Variants in STPG2 observed in about 807,000 individuals in gnomAD.
The protein encoded by STPG2 is sperm-tail PG-rich repeat-containing protein 2.
In STPG2, 56 loss-of-function variants were observed where a neutral mutation model predicts 54.2. The observed-to-expected ratio is 1.03, with a 90% CI of 0.83 to 1.29. The LOEUF (loss-of-function observed/expected upper bound fraction) is 1.29, where lower values mean the gene tolerates loss of function less well. Among genes scored for constraint, STPG2 ranks in the 50% most tolerant of loss-of-function variants. STPG2 has a pLI of 0.00. For missense variants in STPG2, 596 were observed against 544.9 expected, an observed-to-expected ratio of 1.09 and a Z score of -0.93; for synonymous variants, 200 against 181.8, an observed-to-expected ratio of 1.10 and a Z score of -0.81.
chr4:97,961,912 G>T (rs1578735159), intron 7 of STPG2, among the ~76,000 whole-genome samples: 1 of 152,146 alleles, frequency 6.6e-6, no homozygotes, highest in African/African-American at 2.4e-5. Flanking sequence ...GCACACGCAC[G>T]TTTATAGCAG....
intron 10 of STPG2, among the ~76,000 whole-genome samples, chr4:97,649,362 C>A (rs1227435330): frequency 1.3e-5 from 2 of 152,066 alleles, no homozygotes; most frequent in African/African-American, 2.4e-5. Flanking sequence ...CTTTCTGAAA[C>A]ATTTCTTTCT....
intron 10 of STPG2, among the ~76,000 whole-genome samples, chr4:97,709,566 C>A (rs1239874709): frequency 2.6e-5 from 4 of 151,410 alleles, no homozygotes; most frequent in African/African-American, 7.2e-5. Context: ...ATATTTAAAT[C>A]TTTTCTAATA....
chr4:97,695,088 CA>C (rs34399400), intron 10 of STPG2, among the ~76,000 whole-genome samples: 2,033 of 138,436 alleles, frequency 0.015, 38 homozygotes, highest in African/African-American at 0.05. Flanking sequence ...AAAAATCCTC[CA>C]AAAAAAAAAA....
chr4:98,142,050 AC>A (rs1392785084), intron 1 of STPG2, among the ~76,000 whole-genome samples: 1 of 152,086 alleles, frequency 6.6e-6, no homozygotes, highest in Non-Finnish European at 1.5e-5. Context: ...GCAAAGTGTC[AC>A]AGGGGGTCAT....
intron 3 of STPG2, among the ~76,000 whole-genome samples, chr4:98,121,129 T>C (rs1379680079): frequency 1.3e-5 from 2 of 152,230 alleles, no homozygotes; most frequent in Admixed American, 6.5e-5. Flanking sequence ...GCTAGCCAGT[T>C]CTCCCAGCAC....
chr4:97,968,561 A>G (rs777613692), intron 7 of STPG2, among the ~76,000 whole-genome samples: 1 of 152,216 alleles, frequency 6.6e-6, no homozygotes, highest in Non-Finnish European at 1.5e-5. Context: ...AACCAAATCC[A>G]GCAGCATATC....
chr4:97,706,453 G>T (rs1021963497), intron 10 of STPG2, among the ~76,000 whole-genome samples: 4 of 152,144 alleles, frequency 2.6e-5, no homozygotes, highest in Admixed American at 2.6e-4. Context: ...GACACAGCAA[G>T]AAGACAGCTG....
chr4:98,098,756 G>T (rs571820323), intron 5 of STPG2, among the ~76,000 whole-genome samples: 1 of 152,080 alleles, frequency 6.6e-6, no homozygotes, highest in Non-Finnish European at 1.5e-5. Context: ...CATATAAGGA[G>T]CTCAAACAAC....
At chr4:97,613,203 T>C (rs1170796201) in intron 10 of STPG2, among the ~76,000 whole-genome samples, 2 of 152,070 alleles carry the variant, frequency 1.3e-5, no homozygotes, top group African/African-American at 4.8e-5. Flanking sequence ...ACAGTGCAGT[T>C]AGTCAAGTTT....
At chr4:97,538,772 A>G (rs184052138) in intron 4 of STPG2, among the ~76,000 whole-genome samples, 2 of 152,338 alleles carry the variant, frequency 1.3e-5, no homozygotes, top group Admixed American at 1.3e-4. Context: ...GAAGGAAAAA[A>G]TGTTAAGGGC....
intron 10 of STPG2, among the ~76,000 whole-genome samples, chr4:97,711,560 G>T (rs1336021589): frequency 2.0e-5 from 3 of 151,872 alleles, no homozygotes; most frequent in Non-Finnish European, 4.4e-5. Context: ...GGAATCAACA[G>T]CCAACAAGAT....
intron 3 of STPG2, among the ~76,000 whole-genome samples, chr4:98,127,459 A>G (rs1231246254): frequency 6.6e-6 from 1 of 152,238 alleles, no homozygotes; most frequent in Non-Finnish European, 1.5e-5. Context: ...TCACATACCA[A>G]CAAATAACTA....
intron 10 of STPG2, among the ~76,000 whole-genome samples, chr4:97,586,945 T>A (rs1395856931): frequency 6.6e-6 from 1 of 151,906 alleles, no homozygotes; most frequent in Admixed American, 6.6e-5. Flanking sequence ...ATGAGTTTTA[T>A]AAATCACATT....
chr4:97,778,991 G>A (rs1726493700), intron 9 of STPG2, among the ~76,000 whole-genome samples: 1 of 152,162 alleles, frequency 6.6e-6, no homozygotes, highest in African/African-American at 2.4e-5. Flanking sequence ...AAAAAACAGA[G>A]TAGAAAAGCC....
chr4:98,074,698 A>G (rs1738105983), intron 5 of STPG2, among the ~76,000 whole-genome samples: 1 of 152,230 alleles, frequency 6.6e-6, no homozygotes. Context: ...GAAATGACAA[A>G]GAGGTCTCCA....
At chr4:97,698,526 T>C (rs1723659646) in intron 10 of STPG2, among the ~76,000 whole-genome samples, 1 of 152,160 alleles carries the variant, frequency 6.6e-6, no homozygotes, top group Admixed American at 6.5e-5. Flanking sequence ...TTCCTCCCTC[T>C]GGAACTAAGA....
At chr4:98,125,556 T>A (rs1242283194) in intron 3 of STPG2, among the ~76,000 whole-genome samples, 1 of 76 alleles carries the variant, frequency 0.013, no homozygotes, top group Admixed American at 0.5. Flanking sequence ...AGAAGCTCTG[T>A]CCCAGAGGGC....
chr4:97,796,672 T>G (rs1192036960), intron 9 of STPG2, among the ~76,000 whole-genome samples: 1 of 152,216 alleles, frequency 6.6e-6, no homozygotes, highest in East Asian at 1.9e-4. Flanking sequence ...TAGGATTGTC[T>G]TGGCAATGCT....
At chr4:98,069,347 CAATA>C (rs1490776498) in intron 5 of STPG2, among the ~76,000 whole-genome samples, 1 of 151,948 alleles carries the variant, frequency 6.6e-6, no homozygotes, top group African/African-American at 2.4e-5. Flanking sequence ...TTTTACGCCA[CAATA>C]AATAACTGTA....
Sources: gnomAD v4.1 joint callset for allele counts (sites outside exome capture counted in the v4.1 genomes callset) on GRCh38, gnomAD v4.1.1 for gene constraint, MANE v1.5 for transcripts, NCBI Gene and HGNC (gene_info 2026-07-23, HGNC 2026-07-21) for gene names.